NSUN2: variants seen among roughly 807,000 people sequenced by gnomAD.
NSUN2 encodes RNA cytosine C(5)-methyltransferase NSUN2.
NSUN2 carries 63 observed loss-of-function variants against 92.7 expected under a neutral mutation model. The observed-to-expected ratio is 0.68, with a 90% CI of 0.56 to 0.84. The LOEUF is 0.84. Ranked by LOEUF, NSUN2 falls within the 40% of genes least tolerant of loss-of-function variation. NSUN2 has a pLI of 0.00. For synonymous variants in NSUN2, 356 were observed against 348.3 expected (o/e 1.02, Z -0.25); for missense variants, 989 against 964.9 (o/e 1.02, Z -0.33).
chr5:6,600,154 C>A lies in NSUN2; in HGVS notation c.2076G>T (p.Lys692Asn). 6.2e-7 allele frequency: 1 copy of A among 1,614,224 alleles called. No individual in the cohort carries two copies. Among genetic ancestry groups the A allele is most frequent in the Non-Finnish European group, 8.5e-7 (1 of 1,180,030 alleles). Residue 692 changes from lysine (K) to asparagine (N), a missense_variant, in exon 19 of 19, where the codon AAG becomes AAT. By Grantham distance (94) the Lys-to-Asn change is moderately conservative. This residue lies in a region of NSUN2 where 626 missense variants were observed against 602.3 expected (regional missense o/e 1.04). Transcript: ENST00000264670. ...GKASIRTFVP[K>N]NERLHYLRMM... Reference sequence around the variant, plus strand: ...TCCTGAGATAATGAAGCCGTTCATTCTTGGGCACAAAAGTTCGAATGGAGG... The same window carrying A: ...TCCTGAGATAATGAAGCCGTTCATTATTGGGCACAAAAGTTCGAATGGAGG...
chr5:6,626,412 T>C (rs1460854013), intron 3 of NSUN2, among the ~76,000 whole-genome samples: 1 of 151,820 alleles, frequency 6.6e-6, no homozygotes, highest in Non-Finnish European at 1.5e-5. Context: ...CACTGTCACC[T>C]AGGCTGGAGT....
At chr5:6,608,408 GCAC>G (rs1736867189) in intron 12 of NSUN2, among the ~76,000 whole-genome samples, 1 of 152,186 alleles carries the variant, frequency 6.6e-6, no homozygotes, top group African/African-American at 2.4e-5. Flanking sequence ...ACAGGCCTCA[GCAC>G]CACAACAGAA....
chr5:6,606,762 A>G (rs1736791702), intron 14 of NSUN2, 58 bp downstream of exon 14: 2 of 975,072 alleles, frequency 2.1e-6, no homozygotes, highest in Admixed American at 4.0e-5. Context: ...TCAGTTGTAC[A>G]TTTGATACTC....
chr5:6,624,988 G>C (rs1737591707), intron 4 of NSUN2, among the ~76,000 whole-genome samples: 1 of 152,136 alleles, frequency 6.6e-6, no homozygotes, highest in South Asian at 2.1e-4. Context: ...CTCAAGGAAT[G>C]TGGGTGGCTA....
At chr5:6,608,449 C>T (rs879356351) in intron 12 of NSUN2, among the ~76,000 whole-genome samples, 10 of 152,240 alleles carry the variant, frequency 6.6e-5, no homozygotes, top group Non-Finnish European at 1.3e-4. Flanking sequence ...GGAGACTCTA[C>T]CTGCGTTCCC....
intron 17 of NSUN2, among the ~76,000 whole-genome samples, chr5:6,603,137 T>A (rs1440296928): frequency 1.3e-5 from 2 of 152,156 alleles, no homozygotes; most frequent in Non-Finnish European, 2.9e-5. Flanking sequence ...CAGCAAGTTA[T>A]TTAAAAAAAT....
In NSUN2 at chr5:6,608,326, A is replaced by C. The variant is rs145821190; in HGVS notation, c.1324-942T>G. Among the ~76,000 whole-genome samples the C allele has an allele frequency of 9.3e-3, 1,409 of 152,304 alleles. 19 individuals carry two copies. Among genetic ancestry groups the C allele is most frequent in the African/African-American group, 0.032 (1,326 of 41,548 alleles). On this transcript the variant is annotated intron_variant, in intron 12 of 18. Transcript: ENST00000264670. ...TCTCCCATCTCTGTTCTACCTCAAC[A>C]ACCTCATTCTGGGACCTTCAAATAC...
At chr5:6,604,076 C>A (rs1226748894) in intron 17 of NSUN2, 62 bp downstream of exon 17, 1 of 1,479,910 alleles carries the variant, frequency 6.8e-7, no homozygotes, top group African/African-American at 1.4e-5. Flanking sequence ...ACACCACCTG[C>A]ATTTTTGCTG....
At chr5:6,630,937 C>CA (rs971418387) in intron 3 of NSUN2, among the ~76,000 whole-genome samples, 1 of 152,078 alleles carries the variant, frequency 6.6e-6, no homozygotes, top group Admixed American at 6.5e-5. Context: ...ACTAAAAATA[C>CA]AAAAAAATTG....
At chr5:6,620,674 C>A (rs964428183) in intron 6 of NSUN2, 2 of 156,326 alleles carry the variant, frequency 1.3e-5, no homozygotes, top group Non-Finnish European at 2.8e-5. Flanking sequence ...GAACACAAGC[C>A]GGGACCCTGC....
At chr5:6,605,576 C>T (rs1736734023) in intron 14 of NSUN2, among the ~76,000 whole-genome samples, 168 bp from the exon 15 acceptor site, 2 of 152,196 alleles carry the variant, frequency 1.3e-5, no homozygotes, top group Non-Finnish European at 2.9e-5. Flanking sequence ...TCCACTTCCA[C>T]CTGAAACCTC....
intron 18 of NSUN2, among the ~76,000 whole-genome samples, chr5:6,601,560 G>A (rs1736558389): frequency 6.6e-6 from 1 of 151,904 alleles, no homozygotes. Context: ...TGAACCCTGA[G>A]GACATGTGGC....
rs181407901 is a variant in NSUN2 at position 6,608,704 on chromosome 5, C to T, written c.1323+1122G>A. Among the ~76,000 whole-genome samples, 7 of 152,218 alleles carry T rather than the reference C, an allele frequency of 4.6e-5. No homozygotes were observed. In the East Asian group the frequency reaches 1.2e-3, roughly 25 times the overall value. ...AGCCCTAATGCAGGCCAACCTAAAG[C>T]ACGCGTCTCTAAGACAGGCTCCTCT... is the stretch of plus-strand genomic sequence containing the variant. On this transcript the variant is annotated intron_variant, in intron 12 of 18. Transcript: ENST00000264670.
chr5:6,604,082 TGCTGGCC>T, intron 17 of NSUN2, 49 bp downstream of exon 17: 3 of 1,529,698 alleles, frequency 2.0e-6, no homozygotes, highest in Admixed American at 3.9e-5. Context: ...CCTGCATTTT[TGCTGGCC>T]TTATAAAGGG....
chr5:6,629,327 G>A (rs1050425071), intron 3 of NSUN2, among the ~76,000 whole-genome samples: 2 of 152,204 alleles, frequency 1.3e-5, no homozygotes, highest in Non-Finnish European at 2.9e-5. Context: ...TCAAATCCAA[G>A]TGTAACTGTA....
chr5:6,604,552 G>T, intron 16 of NSUN2, 53 bp downstream of exon 16: 1 of 1,515,260 alleles, frequency 6.6e-7, no homozygotes, highest in South Asian at 1.1e-5. Flanking sequence ...ATCTACTCCC[G>T]ACTGCTTCAG....
chr5:6,622,825 CA>C (rs1326407551), intron 5 of NSUN2, among the ~76,000 whole-genome samples: 1 of 119,410 alleles, frequency 8.4e-6, no homozygotes, highest in Non-Finnish European at 1.7e-5. Context: ...CCAGCCTGGA[CA>C]ACAAGAGTGA....
At chr5:6,618,202 G>GT (rs1202525776) in intron 7 of NSUN2, among the ~76,000 whole-genome samples, 178 bp from the exon 8 acceptor site, 1 of 152,166 alleles carries the variant, frequency 6.6e-6, no homozygotes, top group African/African-American at 2.4e-5. Flanking sequence ...ATTTTCTAAT[G>GT]TATTATAGTT....
rs1376022138 is a variant in NSUN2, at chr5:6,604,701, T to A, written c.1738-16A>T. 16 of 1,602,114 alleles carry A rather than the reference T, an allele frequency of 1.0e-5. No homozygotes were observed. Among genetic ancestry groups the A allele is most frequent in the Non-Finnish European group, 1.4e-5 (16 of 1,170,002 alleles). On this transcript the variant is annotated splice_polypyrimidine_tract_variant and intron_variant, in intron 15 of 18. Coordinates refer to ENST00000264670, the MANE Select transcript of NSUN2 (RefSeq NM_017755.6). ...TGTTAATAACCTGTAAGTAAAAAAA[T>A]AAGATGAAACACAGAGAGATGAAGA...
Sources: gnomAD v4.1 joint callset for allele counts (sites outside exome capture counted in the v4.1 genomes callset) on GRCh38, gnomAD v4.1.1 for gene constraint, gnomAD v4.1.1 regional missense constraint, MANE v1.5 for transcripts, NCBI Gene and HGNC (gene_info 2026-07-23, HGNC 2026-07-21) for gene names.